The following SPAG16 variants were observed in gnomAD, a reference collection of about 807,000 sequenced individuals.
SPAG16 encodes sperm associated antigen 16.
A neutral mutation model predicts 80.4 loss-of-function variants in SPAG16; 86 were observed. The observed-to-expected ratio is 1.07, with a 90% CI of 0.90 to 1.28. The LOEUF (loss-of-function observed/expected upper bound fraction) is 1.28. Ranked by LOEUF, SPAG16 falls within the 50% of genes most tolerant of loss-of-function variation. The pLI is 0.00. For synonymous variants in SPAG16, 294 were observed against 265.9 expected (o/e 1.11, Z -1.03); for missense variants, 870 against 765.3 (o/e 1.14, Z -1.61).
intron 9 of SPAG16, among the ~76,000 whole-genome samples, chr2:213,423,227 C>A (rs997454999): frequency 6.6e-6 from 1 of 152,040 alleles, no homozygotes; most frequent in African/African-American, 2.4e-5. Context: ...GTTCATCTAC[C>A]CTTAACTTCT....
intron 10 of SPAG16, among the ~76,000 whole-genome samples, chr2:213,857,444 C>T (rs1413933039): frequency 1.3e-5 from 2 of 152,112 alleles, no homozygotes; most frequent in Non-Finnish European, 2.9e-5. Flanking sequence ...TATGCTAAAT[C>T]TATTTTGCCT....
chr2:213,724,594 A>G (rs545134258), intron 10 of SPAG16, among the ~76,000 whole-genome samples: 7 of 151,986 alleles, frequency 4.6e-5, no homozygotes, highest in Admixed American at 1.3e-4. Context: ...CCTGGCCAAC[A>G]TGGTGAAACC....
At chr2:213,796,953 G>A (rs1056220125) in intron 10 of SPAG16, among the ~76,000 whole-genome samples, 3 of 151,908 alleles carry the variant, frequency 2.0e-5, no homozygotes, top group African/African-American at 7.3e-5. Context: ...AGTGAGAGAA[G>A]ATGTGGATGT....
chr2:213,366,941 C>G (rs1302698648), intron 8 of SPAG16, among the ~76,000 whole-genome samples: 1 of 152,076 alleles, frequency 6.6e-6, no homozygotes, highest in African/African-American at 2.4e-5. Context: ...TCCCCATTCC[C>G]CCTACCCCAT....
At chr2:214,405,828 C>T (rs568350049) in intron 15 of SPAG16, among the ~76,000 whole-genome samples, 57 of 152,134 alleles carry the variant, frequency 3.7e-4, no homozygotes, top group African/African-American at 1.2e-3. Flanking sequence ...AATCCCAATT[C>T]AACCTTCTGT....
intron 14 of SPAG16, among the ~76,000 whole-genome samples, chr2:214,113,784 G>A (rs530414856): frequency 6.6e-6 from 1 of 152,120 alleles, no homozygotes; most frequent in Non-Finnish European, 1.5e-5. Context: ...CTTTAGCTCG[G>A]AGAAGTTTGT....
intron 12 of SPAG16, among the ~76,000 whole-genome samples, chr2:213,999,724 C>A (rs1015864659): frequency 2.0e-5 from 3 of 152,246 alleles, no homozygotes. Context: ...CCTGCAAAGC[C>A]ACATGGGTGA....
intron 15 of SPAG16, among the ~76,000 whole-genome samples, chr2:214,391,468 T>G (rs531689564): frequency 3.9e-5 from 6 of 152,306 alleles, no homozygotes; most frequent in Non-Finnish European, 5.9e-5. Context: ...TGGCACTACA[T>G]TTTATCCACC....
At chr2:213,604,344 C>T (rs1243431796) in intron 10 of SPAG16, among the ~76,000 whole-genome samples, 1 of 151,668 alleles carries the variant, frequency 6.6e-6, no homozygotes, top group Non-Finnish European at 1.5e-5. Context: ...ATTTTTTGTT[C>T]ATTTCATTAT....
intron 15 of SPAG16, chr2:214,250,311 A>G (rs1690159398): frequency 6.6e-6 from 1 of 152,132 alleles, no homozygotes; most frequent in Non-Finnish European, 1.5e-5. Flanking sequence ...AGTTAAAAGT[A>G]ACTAAATCTC....
chr2:213,796,326 G>A (rs1187391677), intron 10 of SPAG16, among the ~76,000 whole-genome samples: 1 of 151,902 alleles, frequency 6.6e-6, no homozygotes, highest in Non-Finnish European at 1.5e-5. Flanking sequence ...TTCAACCCCA[G>A]GAAACATCTA....
intron 15 of SPAG16, among the ~76,000 whole-genome samples, chr2:214,290,034 TTCA>T (rs1693676787): frequency 6.6e-6 from 1 of 152,160 alleles, no homozygotes; most frequent in African/African-American, 2.4e-5. Flanking sequence ...TGGCTGTGAA[TTCA>T]TCTGGTCCTG....
chr2:214,184,479 TA>T (rs2057407412), intron 15 of SPAG16, among the ~76,000 whole-genome samples: 1 of 152,074 alleles, frequency 6.6e-6, no homozygotes, highest in African/African-American at 2.4e-5. Context: ...TGTTTTGCTT[TA>T]AATGACAGCA....
rs144463020 is a variant in SPAG16, at chr2:213,774,374, T to C, written c.1071-88111T>C. On this transcript the variant is annotated intron_variant, in intron 10 of 15. Coordinates refer to ENST00000331683, the MANE Select transcript of SPAG16 (RefSeq NM_024532.5). ...CTTCTTCCAGTTTGCTTATAATCTT[T>C]CATGTTTTTGTCTTGTAGATGCATC... Among the ~76,000 whole-genome samples, 285 of 152,356 alleles carry C rather than the reference T, an allele frequency of 1.9e-3. 8 individuals carry two copies. The highest frequency in any genetic ancestry group is 0.017 in the Admixed American group (261 of 15,306).
intron 11 of SPAG16, among the ~76,000 whole-genome samples, chr2:213,863,297 A>G (rs1363595336): frequency 1.3e-5 from 2 of 152,056 alleles, no homozygotes; most frequent in Non-Finnish European, 2.9e-5. Context: ...TGGCCTGATT[A>G]CTTTTTTAAC....
intron 10 of SPAG16, among the ~76,000 whole-genome samples, chr2:213,653,553 G>T (rs1356600105): frequency 1.3e-5 from 2 of 152,154 alleles, no homozygotes; most frequent in Non-Finnish European, 2.9e-5. Flanking sequence ...CCTTTGCTAT[G>T]ATTTTAAGGC....
intron 11 of SPAG16, among the ~76,000 whole-genome samples, chr2:213,895,145 A>G (rs955675146): frequency 1.3e-5 from 2 of 152,232 alleles, no homozygotes; most frequent in African/African-American, 4.8e-5. Context: ...CTAAAAAAGA[A>G]ATCAAGAATT....
intron 12 of SPAG16, among the ~76,000 whole-genome samples, chr2:213,931,320 A>G (rs1401714248): frequency 6.6e-6 from 1 of 152,184 alleles, no homozygotes; most frequent in Non-Finnish European, 1.5e-5. Context: ...TGAATAACAT[A>G]TTTTAGACCT....
chr2:213,850,620 GTTTTATGGCTTGC>G (rs2074852900), intron 10 of SPAG16, among the ~76,000 whole-genome samples: 1 of 152,124 alleles, frequency 6.6e-6, no homozygotes, highest in Non-Finnish European at 1.5e-5. Context: ...AGAAGAGAAG[GTTTTATGGCTTGC>G]TTTGTAGCAG....
Sources: gnomAD v4.1 joint callset for allele counts (sites outside exome capture counted in the v4.1 genomes callset) on GRCh38, gnomAD v4.1.1 for gene constraint, MANE v1.5 for transcripts, NCBI Gene and HGNC (gene_info 2026-07-23, HGNC 2026-07-21) for gene names.